Variants in AIG1 observed in about 807,000 individuals in gnomAD.
AIG1 encodes androgen induced 1, also known as androgen-induced gene 1 protein.
In AIG1, 23 loss-of-function variants were observed where a neutral mutation model predicts 31.4. The observed-to-expected ratio is 0.73, with a 90% CI of 0.53 to 1.04. AIG1 has a LOEUF of 1.04. Among genes scored for constraint, AIG1 ranks in the 50% least tolerant of loss-of-function variants. AIG1 has a pLI of 0.00. For missense variants in AIG1, 274 were observed against 295.0 expected (o/e 0.93, Z 0.52); for synonymous variants, 100 against 110.5 (o/e 0.90, Z 0.60).
At chr6:143,099,136 C>G (rs964850679) in intron 1 of AIG1, among the ~76,000 whole-genome samples, 4 of 152,116 alleles carry the variant, frequency 2.6e-5, no homozygotes, top group Admixed American at 2.0e-4. Flanking sequence ...GGATAATAAC[C>G]ATATAATATT....
chr6:143,321,761 T>C (rs1776235628), intron 4 of AIG1, among the ~76,000 whole-genome samples: 1 of 152,134 alleles, frequency 6.6e-6, no homozygotes, highest in South Asian at 2.1e-4. Flanking sequence ...GATGGTTTCA[T>C]TCTGATAAAC....
At chr6:143,314,988 G>C (rs948334224) in intron 4 of AIG1, among the ~76,000 whole-genome samples, 1 of 152,108 alleles carries the variant, frequency 6.6e-6, no homozygotes, top group Non-Finnish European at 1.5e-5. Flanking sequence ...GCCAACAACT[G>C]TTGGAGAATG....
At chr6:143,091,822 A>T (rs564118564) in intron 1 of AIG1, among the ~76,000 whole-genome samples, 42 of 152,344 alleles carry the variant, frequency 2.8e-4, no homozygotes, top group African/African-American at 1.0e-3. Context: ...AAGGAAAGCT[A>T]TACACATGCA....
At chr6:143,201,326 T>C (rs1050231165) in intron 3 of AIG1, among the ~76,000 whole-genome samples, 2 of 151,172 alleles carry the variant, frequency 1.3e-5, no homozygotes, top group Non-Finnish European at 2.9e-5. Context: ...ACCACTGCAC[T>C]CCAGCCTAGG....
intron 3 of AIG1, among the ~76,000 whole-genome samples, chr6:143,266,003 T>G (rs539900903): frequency 3.3e-5 from 5 of 152,348 alleles, no homozygotes; most frequent in African/African-American, 1.2e-4. Flanking sequence ...TGATTTAGAA[T>G]CCTGCTTATC....
rs781658749 is a variant in AIG1 at position 143,334,030 on chromosome 6, C to T, written c.679+585C>T. 2 of 1,544,708 alleles carry T rather than the reference C, an allele frequency of 1.3e-6. No individual in the cohort carries two copies. Among genetic ancestry groups the T allele is most frequent in the East Asian group, 4.9e-5 (2 of 40,882 alleles). ...AGATAATATTTCGTGGCTGGAAAAA[C>T]TCTTTTAACCTGTGATTTGATTTCT... is the stretch of plus-strand genomic sequence containing the variant. On this transcript the variant is annotated intron_variant, in intron 5 of 5. Transcript: ENST00000357847. The surrounding 1 kb of genome is among the most constrained non-coding windows in gnomAD (Gnocchi z 5.1).
intron 4 of AIG1, among the ~76,000 whole-genome samples, chr6:143,294,887 T>C (rs1367377343): frequency 6.6e-6 from 1 of 152,182 alleles, no homozygotes; most frequent in African/African-American, 2.4e-5. Context: ...GTTGGAATTC[T>C]TCAGAGCTCA....
chr6:143,166,692 A>G (rs997936603), intron 3 of AIG1, among the ~76,000 whole-genome samples: 1 of 152,198 alleles, frequency 6.6e-6, no homozygotes, highest in Non-Finnish European at 1.5e-5. Context: ...GCTATAGCCA[A>G]TTTCCATAAT....
At chr6:143,322,315 T>C (rs918666163) in intron 4 of AIG1, among the ~76,000 whole-genome samples, 1 of 152,226 alleles carries the variant, frequency 6.6e-6, no homozygotes, top group African/African-American at 2.4e-5. Flanking sequence ...CTGCAAAATA[T>C]GGAAAATTAT....
At chr6:143,307,275 C>G (rs1168489442) in intron 4 of AIG1, among the ~76,000 whole-genome samples, 4 of 152,166 alleles carry the variant, frequency 2.6e-5, no homozygotes, top group Non-Finnish European at 5.9e-5. Flanking sequence ...AGGAGAGGCT[C>G]TCTGCTTTTT....
chr6:143,279,796 C>T lies in AIG1; in HGVS notation c.400-4314C>T, dbSNP rs1797219255. ...CACAATCTTCCAAATGATAGCTCCT[C>T]ATTAAAACTAGCTAAAATGGATGAT... On this transcript the variant is annotated intron_variant, in intron 3 of 5. Coordinates refer to ENST00000357847, the MANE Select transcript of AIG1 (RefSeq NM_016108.4). This position sits in a 1 kb window ranked among gnomAD's most constrained non-coding sequence, Gnocchi z 5.4. Among the ~76,000 whole-genome samples, 1 of 152,184 alleles carries T rather than the reference C, an allele frequency of 6.6e-6. No homozygotes were observed. Among genetic ancestry groups the T allele is most frequent in the South Asian group, 2.1e-4 (1 of 4,824 alleles).
chr6:143,285,386 G>T (rs1330740146), intron 4 of AIG1, among the ~76,000 whole-genome samples: 1 of 150,680 alleles, frequency 6.6e-6, no homozygotes, highest in Non-Finnish European at 1.5e-5. Context: ...CCCCAGCTGG[G>T]TGCTGTGGCT....
chr6:143,105,298 A>G (rs530262402), intron 1 of AIG1, among the ~76,000 whole-genome samples: 3 of 152,226 alleles, frequency 2.0e-5, no homozygotes, highest in Non-Finnish European at 2.9e-5. Context: ...AAGACCCTGC[A>G]TGGCCCTCAG....
At chr6:143,267,846 C>A (rs1470168959) in intron 3 of AIG1, among the ~76,000 whole-genome samples, 1 of 152,146 alleles carries the variant, frequency 6.6e-6, no homozygotes, top group Non-Finnish European at 1.5e-5. Flanking sequence ...ACACTGGGGA[C>A]TTTTCCGTTT....
chr6:143,107,941 C>T (rs921646934), intron 1 of AIG1, among the ~76,000 whole-genome samples: 3 of 152,220 alleles, frequency 2.0e-5, no homozygotes, highest in Middle Eastern at 3.4e-3. Flanking sequence ...TGACAGACAG[C>T]ATGATTTTAC....
chr6:143,197,345 C>T (rs759319947), intron 3 of AIG1, among the ~76,000 whole-genome samples: 3 of 152,104 alleles, frequency 2.0e-5, no homozygotes, highest in African/African-American at 4.8e-5. Context: ...TTAAAATGAT[C>T]TTTATTAAAT....
intron 3 of AIG1, among the ~76,000 whole-genome samples, chr6:143,220,727 C>T (rs1393423359): frequency 6.6e-6 from 1 of 152,212 alleles, no homozygotes; most frequent in Non-Finnish European, 1.5e-5. Context: ...CCAATAACTG[C>T]TTACACTTCG....
chr6:143,212,381 G>A (rs1452842523), intron 3 of AIG1, among the ~76,000 whole-genome samples: 1 of 152,116 alleles, frequency 6.6e-6, no homozygotes, highest in Non-Finnish European at 1.5e-5. Context: ...CTTTACCCCA[G>A]CCTCCCTGCA....
chr6:143,286,963 C>T (rs1797723032), intron 4 of AIG1, among the ~76,000 whole-genome samples: 2 of 143,442 alleles, frequency 1.4e-5, no homozygotes, highest in Non-Finnish European at 3.1e-5. Context: ...TGTTTCCCAG[C>T]CCCGTTGCAG....
Sources: allele counts gnomAD v4.1 joint callset (sites outside exome capture counted in the v4.1 genomes callset), GRCh38; gene constraint gnomAD v4.1.1; non-coding constraint Gnocchi (gnomAD v3.1); transcripts MANE v1.5; gene names NCBI Gene and HGNC (gene_info 2026-07-23, HGNC 2026-07-21).